Variants in CHST8 observed in about 807,000 individuals in gnomAD.
CHST8 encodes the protein carbohydrate sulfotransferase 8.
CHST8 carries 10 observed loss-of-function variants against 15.0 expected under a neutral mutation model. That is an observed-to-expected ratio of 0.67 (90% CI 0.41 to 1.13). The LOEUF is 1.13. Among genes scored for constraint, CHST8 ranks in the 50% most tolerant of loss-of-function variants. CHST8 has a pLI of 0.00. For missense variants in CHST8, 634 were observed against 608.2 expected, an observed-to-expected ratio of 1.04 and a Z score of -0.45; for synonymous variants, 259 against 256.6, an observed-to-expected ratio of 1.01 and a Z score of -0.09.
chr19:33,761,276 G>A (rs1416903866), intron 3 of CHST8, among the ~76,000 whole-genome samples: 2 of 152,204 alleles, frequency 1.3e-5, no homozygotes, highest in African/African-American at 4.8e-5. Flanking sequence ...GCTGATGCAG[G>A]AGGATCGCTT....
At chr19:33,767,535 T>C (rs1288803652) in intron 3 of CHST8, among the ~76,000 whole-genome samples, 1 of 152,228 alleles carries the variant, frequency 6.6e-6, no homozygotes, top group Non-Finnish European at 1.5e-5. Context: ...GGAACACATT[T>C]GGCAGTGCCC....
In CHST8 at chr19:33,644,057, C is replaced by T. The variant is rs540511125; in HGVS notation, c.-164+21761C>T. On this transcript the variant is annotated intron_variant, in intron 1 of 4. Coordinates refer to ENST00000650847, the MANE Select transcript of CHST8 (RefSeq NM_001127895.2). ...AAGCCATTCTCCTGTCTCAGCTTCC[C>T]GAGTAGCTGGGACTACAGGCACCTG... 1.5e-3 allele frequency among the ~76,000 whole-genome samples: 229 copies of T among 152,236 alleles called. 1 individual carries two copies. The highest frequency in any genetic ancestry group is 6.8e-3 in the Middle Eastern group (2 of 294).
intron 3 of CHST8, among the ~76,000 whole-genome samples, chr19:33,735,328 A>G (rs1277584527): frequency 6.6e-6 from 1 of 152,202 alleles, no homozygotes; most frequent in Admixed American, 6.5e-5. Context: ...TTTCAGGAGG[A>G]AACTCACAGA....
At chr19:33,625,991 G>A (rs1972048534) in intron 1 of CHST8, among the ~76,000 whole-genome samples, 1 of 152,102 alleles carries the variant, frequency 6.6e-6, no homozygotes, top group Non-Finnish European at 1.5e-5. Flanking sequence ...TAGGCTGTTT[G>A]GTGCTGTCTT....
At chr19:33,714,046 T>C (rs992585412) in intron 3 of CHST8, among the ~76,000 whole-genome samples, 1 of 152,174 alleles carries the variant, frequency 6.6e-6, no homozygotes, top group Non-Finnish European at 1.5e-5. Flanking sequence ...GGATCACCTG[T>C]GGAGGTGTTA....
chr19:33,698,096 GC>G (rs1205285506), intron 3 of CHST8, among the ~76,000 whole-genome samples: 4 of 152,160 alleles, frequency 2.6e-5, no homozygotes, highest in Non-Finnish European at 5.9e-5. Context: ...GGGCAACATG[GC>G]AAAACCCCGC....
At chr19:33,764,106 C>A (rs985551370) in intron 3 of CHST8, among the ~76,000 whole-genome samples, 9 of 152,230 alleles carry the variant, frequency 5.9e-5, no homozygotes, top group African/African-American at 2.2e-4. Context: ...ACCCTGGGCC[C>A]AGCTTCTGGG....
At chr19:33,686,115 A>G (rs1477455427) in intron 2 of CHST8, among the ~76,000 whole-genome samples, 2 of 152,118 alleles carry the variant, frequency 1.3e-5, no homozygotes, top group Non-Finnish European at 2.9e-5. Context: ...CCCTGAAGCC[A>G]CAGACGGCTC....
rs1464174137 is a variant in CHST8, at chr19:33,694,129, T to TATATATAA, written c.130+4739_130+4740insTATATAAA. 2.1e-5 allele frequency among the ~76,000 whole-genome samples: 2 copies of TATATATAA among 95,000 alleles called. 1 individual carries two copies. Among genetic ancestry groups the TATATATAA allele is most frequent in the Admixed American group, 2.1e-4 (2 of 9,678 alleles). The allele number at this position is 95,000 out of a possible 152,430, so 62.3% of individuals were successfully genotyped here. A position where few individuals can be genotyped will look rare whatever the true frequency, so the allele number is the denominator to read the frequency against. On this transcript the variant is annotated intron_variant, in intron 3 of 4. Coordinates refer to ENST00000650847, the MANE Select transcript of CHST8 (RefSeq NM_001127895.2). The stretch of plus-strand genomic sequence containing the variant: ...ATATATATATATATATATATATATA[T>TATATATAA]AAATGCAATGTTACCATACAGATTC...
intron 3 of CHST8, among the ~76,000 whole-genome samples, chr19:33,736,753 AG>A (rs1412433374): frequency 1.3e-5 from 2 of 152,180 alleles, no homozygotes; most frequent in Non-Finnish European, 2.9e-5. Context: ...CCCATACTGC[AG>A]ACGTTGGGAG....
At chr19:33,695,648 T>C (rs1202615393) in intron 3 of CHST8, among the ~76,000 whole-genome samples, 1 of 152,088 alleles carries the variant, frequency 6.6e-6, no homozygotes, top group African/African-American at 2.4e-5. Context: ...CTCCCACTTA[T>C]AAGTGAGAAC....
At chr19:33,764,675 T>G (rs1393546773) in intron 3 of CHST8, among the ~76,000 whole-genome samples, 1 of 152,186 alleles carries the variant, frequency 6.6e-6, no homozygotes, top group Non-Finnish European at 1.5e-5. Flanking sequence ...GTTAGGCCAC[T>G]AGAGTGGGCC....
intron 1 of CHST8, among the ~76,000 whole-genome samples, chr19:33,631,828 C>T (rs1012235585): frequency 3.3e-5 from 5 of 152,162 alleles, no homozygotes; most frequent in African/African-American, 1.2e-4. Context: ...GGAGTCAGAC[C>T]ACCTGGGTTC....
At chr19:33,653,892 CA>C (rs1186134224) in intron 1 of CHST8, among the ~76,000 whole-genome samples, 1 of 152,180 alleles carries the variant, frequency 6.6e-6, no homozygotes, top group Non-Finnish European at 1.5e-5. Flanking sequence ...CTGACACTGA[CA>C]CAGTTGCCCA....
At chr19:33,769,017 A>G (rs1400654513) in intron 3 of CHST8, among the ~76,000 whole-genome samples, 1 of 152,234 alleles carries the variant, frequency 6.6e-6, no homozygotes, top group Non-Finnish European at 1.5e-5. Flanking sequence ...CTTTTCCTCT[A>G]GTTAATGCCA....
At chr19:33,764,014 G>C (rs1041392428) in intron 3 of CHST8, among the ~76,000 whole-genome samples, 1 of 152,234 alleles carries the variant, frequency 6.6e-6, no homozygotes, top group Non-Finnish European at 1.5e-5. Context: ...CAGTGGGATT[G>C]CCCCTGTCTG....
chr19:33,773,196 C>A lies in CHST8; in HGVS notation c.*133C>A. 9.1e-7 allele frequency: 1 copy of A among 1,095,124 alleles called. No individual in the cohort carries two copies. Among genetic ancestry groups the A allele is most frequent in the Non-Finnish European group, 1.3e-6 (1 of 790,336 alleles). 67.8% of individuals were successfully genotyped at this position (1,095,124 alleles called of 1,614,324 possible). On this transcript the variant is annotated 3_prime_UTR_variant, in exon 5 of 5. Coordinates refer to ENST00000650847, the MANE Select transcript of CHST8 (RefSeq NM_001127895.2). ...CGTGAGGAGCCATCGCTGTGGGAGG[C>A]AGCAGGCCCCGGGTGGGGGGCAGAG...
At chr19:33,656,126 C>A (rs1030399422) in intron 1 of CHST8, among the ~76,000 whole-genome samples, 1 of 152,072 alleles carries the variant, frequency 6.6e-6, no homozygotes, top group African/African-American at 2.4e-5. Context: ...CTCCTTGATG[C>A]AAGAGAGGTA....
At chr19:33,707,692 A>G (rs774466681) in intron 3 of CHST8, among the ~76,000 whole-genome samples, 66 of 152,328 alleles carry the variant, frequency 4.3e-4, no homozygotes, top group South Asian at 6.2e-4. Context: ...ACTTTTGGCC[A>G]TTAGGACTAA....
Sources: allele counts gnomAD v4.1 joint callset (sites outside exome capture counted in the v4.1 genomes callset), GRCh38; gene constraint gnomAD v4.1.1; transcripts MANE v1.5; gene names NCBI Gene and HGNC (gene_info 2026-07-23, HGNC 2026-07-21).